PRH1: variants seen among roughly 807,000 people sequenced by gnomAD.
PRH1 encodes the protein salivary acidic proline-rich phosphoprotein 1/2.
A neutral mutation model predicts 7.9 loss-of-function variants in PRH1; 7 were observed. The ratio of observed to expected loss-of-function variants is 0.89; its 90% CI spans 0.50 to 1.67. The LOEUF is 1.67. Among genes scored for constraint, PRH1 ranks in the 40% most tolerant of loss-of-function variants. The pLI, the probability that PRH1 is intolerant of heterozygous loss-of-function variation, is 0.00. For synonymous variants in PRH1, 45 were observed against 80.8 expected, an observed-to-expected ratio of 0.56 and a Z score of 2.38; for missense variants, 109 against 223.6, an observed-to-expected ratio of 0.49 and a Z score of 3.27.
intron 1 of PRH1, among the ~76,000 whole-genome samples, chr12:11,083,937 G>A (rs79586292): frequency 0.17 from 9,584 of 56,604 alleles, 234 homozygotes; most frequent in Non-Finnish European, 0.24. Flanking sequence ...TGGTTCTGCT[G>A]GGACAATTAA....
At chr12:11,077,998 G>T (rs76850805) in intron 1 of PRH1, 11 of 658,956 alleles carry the variant, frequency 1.7e-5, no homozygotes, top group Non-Finnish European at 1.3e-5. Context: ...AGAAGCAACA[G>T]CTCCTACTTC....
At chr12:11,120,001 T>C (rs926210126), downstream of PRH1, among the ~76,000 whole-genome samples, 21 of 152,248 alleles carry the variant, frequency 1.4e-4, no homozygotes, top group African/African-American at 5.1e-4. Context: ...TATATGACTA[T>C]AGAAAGTTGT....
intron 2 of PRH1, among the ~76,000 whole-genome samples, chr12:10,945,049 G>GT (rs1262978468): frequency 3.3e-5 from 5 of 152,076 alleles, no homozygotes; most frequent in African/African-American, 1.2e-4. Flanking sequence ...CCAGGTTTTG[G>GT]TATCAAGATG....
intron 2 of PRH1, among the ~76,000 whole-genome samples, chr12:10,904,311 T>G (rs542367818): frequency 6.6e-6 from 1 of 152,062 alleles, no homozygotes; most frequent in East Asian, 1.9e-4. Flanking sequence ...AACAGCATGG[T>G]AATATTATAA....
At chr12:11,123,967 T>C (rs1946007248) in intron 1 of PRH1, among the ~76,000 whole-genome samples, 1 of 105,530 alleles carries the variant, frequency 9.5e-6, no homozygotes, top group Non-Finnish European at 2.2e-5. Flanking sequence ...TTGGGGTTTT[T>C]TGTTTTCTGT....
At chr12:11,091,115 C>CACACATATATAT (rs751016037) in intron 1 of PRH1, among the ~76,000 whole-genome samples, 503 of 25,108 alleles carry the variant, frequency 0.02, 77 homozygotes, top group Middle Eastern at 0.029. Context: ...CACACACACA[C>CACACATATATAT]ATATATATAT....
intron 1 of PRH1, among the ~76,000 whole-genome samples, chr12:11,114,301 T>C (rs974913138): frequency 2.6e-5 from 4 of 151,424 alleles, no homozygotes; most frequent in Non-Finnish European, 4.4e-5. Context: ...GTGGCACATA[T>C]GTACCATGGA....
intron 1 of PRH1, among the ~76,000 whole-genome samples, chr12:11,147,157 T>C (rs1186918206): frequency 6.6e-6 from 1 of 152,180 alleles, no homozygotes; most frequent in Non-Finnish European, 1.5e-5. Context: ...TTATATTTTA[T>C]AATACTCAGT....
intron 2 of PRH1, chr12:10,938,806 A>C (rs2135886749): frequency 6.2e-7 from 1 of 1,613,460 alleles, no homozygotes; most frequent in Admixed American, 1.7e-5. Context: ...AAGTCACAAG[A>C]AGCAGCACCA....
At chr12:11,063,286 C>T (rs749467783) in intron 1 of PRH1, among the ~76,000 whole-genome samples, 1 of 152,102 alleles carries the variant, frequency 6.6e-6, no homozygotes, top group Non-Finnish European at 1.5e-5. Flanking sequence ...TGGAGTACAA[C>T]CATTTAACTT....
At chr12:10,952,141 G>C (rs1417960293) in intron 2 of PRH1, among the ~76,000 whole-genome samples, 1 of 152,150 alleles carries the variant, frequency 6.6e-6, no homozygotes, top group South Asian at 2.1e-4. Flanking sequence ...AGGATTGCTC[G>C]TGTTTTATTT....
chr12:10,885,459 C>T (rs950384802), upstream of PRH1, among the ~76,000 whole-genome samples: 2 of 152,070 alleles, frequency 1.3e-5, no homozygotes, highest in Non-Finnish European at 2.9e-5. Context: ...TGTGGTACTC[C>T]TCACTACCTT....
intron 1 of PRH1, among the ~76,000 whole-genome samples, chr12:11,069,121 T>TCC (rs1565617808): frequency 5.6e-5 from 7 of 125,944 alleles, no homozygotes; most frequent in Non-Finnish European, 1.2e-4. Flanking sequence ...TTTCACCATG[T>TCC]TTCCTAGGTT....
chr12:11,159,063 C>G (rs945458855), intron 1 of PRH1: 1 of 154,658 alleles, frequency 6.5e-6, no homozygotes, highest in Non-Finnish European at 1.4e-5. Context: ...TCCCTTGAGC[C>G]CAGAGAGTTG....
In PRH1 at chr12:11,167,943, A is replaced by G. The variant is rs79772354; in HGVS notation, n.39+3479T>C. Reference sequence around the variant, plus strand: ...CATGCATGGTTTAAAAAATGTCTCAATTAAAAAATAGATTCATGTATAGGT... The same window carrying G: ...CATGCATGGTTTAAAAAATGTCTCAGTTAAAAAATAGATTCATGTATAGGT... On this transcript the variant is annotated intron_variant and non_coding_transcript_variant, in intron 1 of 1. Transcript: ENST00000541175. Among the ~76,000 whole-genome samples the G allele has an allele frequency of 9.9e-3, 1,502 of 152,042 alleles. 16 individuals carry two copies. The highest frequency in any genetic ancestry group is 0.024 in the Middle Eastern group (7 of 294).
At chr12:10,949,094 C>T (rs1025842167) in intron 2 of PRH1, among the ~76,000 whole-genome samples, 1 of 152,178 alleles carries the variant, frequency 6.6e-6, no homozygotes, top group Non-Finnish European at 1.5e-5. Context: ...GAGCTGCCAA[C>T]TGCAGCCCTG....
At chr12:10,983,334 C>T (rs974266960) in intron 1 of PRH1, among the ~76,000 whole-genome samples, 1 of 152,214 alleles carries the variant, frequency 6.6e-6, no homozygotes, top group Non-Finnish European at 1.5e-5. Context: ...AAGTCATATG[C>T]CTATAAAGCC....
At chr12:10,928,117 C>T (rs191554529) in intron 2 of PRH1, among the ~76,000 whole-genome samples, 24 of 152,110 alleles carry the variant, frequency 1.6e-4, no homozygotes, top group South Asian at 4.2e-4. Context: ...AAATTACAAA[C>T]GACAAGGTAG....
intron 1 of PRH1, chr12:11,133,015 C>G: frequency 2.7e-6 from 1 of 376,126 alleles, no homozygotes. Context: ...ATGAAATAAA[C>G]ATGGCTTCAT....
Sources: gnomAD v4.1 joint callset for allele counts (sites outside exome capture counted in the v4.1 genomes callset) on GRCh38, gnomAD v4.1.1 for gene constraint, MANE v1.5 for transcripts, NCBI Gene and HGNC (gene_info 2026-07-23, HGNC 2026-07-21) for gene names.